CLYBL: variants seen among roughly 807,000 people sequenced by gnomAD.
CLYBL encodes the protein citramalyl-CoA lyase, also known as citramalyl-CoA lyase, mitochondrial.
Under a neutral mutation model 38.9 loss-of-function variants are expected in CLYBL, and 31 were observed. The ratio of observed to expected loss-of-function variants is 0.80; its 90% CI spans 0.60 to 1.08. CLYBL has a LOEUF of 1.08. Ranked by LOEUF, CLYBL falls within the 50% of genes least tolerant of loss-of-function variation. The pLI is 0.00. For missense variants in CLYBL, 434 were observed against 411.6 expected (o/e 1.05, Z -0.47); for synonymous variants, 171 against 158.6 (o/e 1.08, Z -0.59).
intron 2 of CLYBL, among the ~76,000 whole-genome samples, chr13:99,832,999 C>CATATATATATATATATATATATATATAT (rs1489506843): frequency 1.9e-5 from 1 of 53,708 alleles, no homozygotes; most frequent in Non-Finnish European, 3.6e-5. Flanking sequence ...TATATACATA[C>CATATATATATATATATATATATATATAT]ATACATACAT....
intron 1 of CLYBL, among the ~76,000 whole-genome samples, chr13:99,645,649 C>A (rs1306056003): frequency 6.6e-6 from 1 of 151,982 alleles, no homozygotes; most frequent in Non-Finnish European, 1.5e-5. Flanking sequence ...CTGTTCAGAT[C>A]TTTTGCCCAG....
intron 2 of CLYBL, among the ~76,000 whole-genome samples, chr13:99,840,291 T>TAATC: frequency 6.6e-6 from 1 of 151,740 alleles, no homozygotes; most frequent in South Asian, 2.1e-4. Context: ...TCACCCATCT[T>TAATC]AATCATAACC....
intron 1 of CLYBL, among the ~76,000 whole-genome samples, chr13:99,674,570 G>A (rs2139373854): frequency 6.6e-6 from 1 of 152,232 alleles, no homozygotes; most frequent in East Asian, 1.9e-4. Context: ...TCTGGGTGGG[G>A]TGACTTAGGA....
chr13:99,754,081 C>T (rs1405954390), intron 1 of CLYBL, among the ~76,000 whole-genome samples: 4 of 76,406 alleles, frequency 5.2e-5, no homozygotes, highest in South Asian at 5.3e-4. Context: ...GAGCGAAACT[C>T]GGTCTCAAAA....
chr13:99,704,528 G>A (rs980383761), intron 1 of CLYBL, among the ~76,000 whole-genome samples: 5 of 152,096 alleles, frequency 3.3e-5, no homozygotes, highest in African/African-American at 9.7e-5. Flanking sequence ...TTTATAACTT[G>A]TCTAACAACA....
At chr13:99,740,114 T>A (rs1023391913) in intron 1 of CLYBL, among the ~76,000 whole-genome samples, 9 of 152,226 alleles carry the variant, frequency 5.9e-5, no homozygotes, top group African/African-American at 1.4e-4. Context: ...TGGCCATAAA[T>A]ATGTCTTGTT....
At chr13:99,659,623 C>T (rs574503037) in intron 1 of CLYBL, among the ~76,000 whole-genome samples, 2 of 152,216 alleles carry the variant, frequency 1.3e-5, no homozygotes, top group East Asian at 3.9e-4. Flanking sequence ...GAATACTATG[C>T]CCTATTCTTT....
intron 1 of CLYBL, among the ~76,000 whole-genome samples, chr13:99,743,760 T>A (rs1025666247): frequency 6.6e-6 from 1 of 152,228 alleles, no homozygotes; most frequent in Non-Finnish European, 1.5e-5. Flanking sequence ...ATCACAATGG[T>A]ATTTTGTAAT....
At chr13:99,870,781 G>A (rs1483062652) in intron 6 of CLYBL, among the ~76,000 whole-genome samples, 157 bp from the exon 7 acceptor site, 3 of 152,112 alleles carry the variant, frequency 2.0e-5, no homozygotes, top group Non-Finnish European at 4.4e-5. Context: ...CTGATTGCAG[G>A]TTTTGTTTGT....
chr13:99,886,661 T>C (rs1274430272), intron 7 of CLYBL, among the ~76,000 whole-genome samples: 1 of 152,280 alleles, frequency 6.6e-6, no homozygotes, highest in African/African-American at 2.4e-5. Flanking sequence ...CGCGTGGAGA[T>C]GCCTGGCATT....
chr13:99,810,758 A>G (rs1026289028), intron 2 of CLYBL, among the ~76,000 whole-genome samples: 4 of 152,180 alleles, frequency 2.6e-5, no homozygotes, highest in Admixed American at 6.5e-5. Context: ...ACCATGGTCA[A>G]TGAGAAGAGT....
At chr13:99,648,489 C>CT (rs2047208078) in intron 1 of CLYBL, among the ~76,000 whole-genome samples, 1 of 152,172 alleles carries the variant, frequency 6.6e-6, no homozygotes, top group Admixed American at 6.5e-5. Flanking sequence ...TGTGACTTTT[C>CT]TTGCTGTCAA....
intron 2 of CLYBL, among the ~76,000 whole-genome samples, chr13:99,852,375 A>G (rs141476017): frequency 1.3e-5 from 2 of 152,284 alleles, no homozygotes; most frequent in African/African-American, 4.8e-5. Context: ...AGCAGCTGAG[A>G]CTACAGCTGT....
intron 1 of CLYBL, among the ~76,000 whole-genome samples, chr13:99,618,426 G>A (rs2046746841): frequency 6.6e-6 from 1 of 151,994 alleles, no homozygotes; most frequent in South Asian, 2.1e-4. Flanking sequence ...CCGCCACCAC[G>A]CCTGGCTAAT....
chr13:99,705,614 C>A (rs930274500), intron 1 of CLYBL, among the ~76,000 whole-genome samples: 3 of 151,866 alleles, frequency 2.0e-5, no homozygotes, highest in Admixed American at 1.3e-4. Flanking sequence ...TGCTATAACA[C>A]AGATGAACCT....
chr13:99,776,042 C>T (rs1294690859), intron 2 of CLYBL, among the ~76,000 whole-genome samples: 3 of 151,436 alleles, frequency 2.0e-5, no homozygotes, highest in South Asian at 4.2e-4. Context: ...CGGGCGCCTG[C>T]AGTCCCAGCT....
chr13:99,862,671 G>A (rs1474748180), intron 3 of CLYBL, among the ~76,000 whole-genome samples: 3 of 152,020 alleles, frequency 2.0e-5, no homozygotes, highest in Non-Finnish European at 2.9e-5. Flanking sequence ...ACGAAGCGAG[G>A]GCAAGAGGTC....
At chr13:99,678,260 G>T (rs1196338152) in intron 1 of CLYBL, among the ~76,000 whole-genome samples, 2 of 152,162 alleles carry the variant, frequency 1.3e-5, no homozygotes, top group African/African-American at 4.8e-5. Context: ...TGTGTTACAG[G>T]GTGTTATTTA....
chr13:99,815,582 C>T (rs2050428692), intron 2 of CLYBL, among the ~76,000 whole-genome samples: 2 of 152,044 alleles, frequency 1.3e-5, no homozygotes, highest in African/African-American at 4.8e-5. Flanking sequence ...AAGACCTTGT[C>T]TCTAAAAATA....
Sources: gnomAD v4.1 joint callset for allele counts (sites outside exome capture counted in the v4.1 genomes callset) on GRCh38, gnomAD v4.1.1 for gene constraint, MANE v1.5 for transcripts, NCBI Gene and HGNC (gene_info 2026-07-23, HGNC 2026-07-21) for gene names.